The following MFSD8 variants were observed in gnomAD, a reference collection of about 807,000 sequenced individuals.
MFSD8 encodes the protein major facilitator superfamily domain-containing protein 8.
Under a neutral mutation model 66.4 loss-of-function variants are expected in MFSD8, and 55 were observed. The ratio of observed to expected loss-of-function variants is 0.83; its 90% CI spans 0.67 to 1.04. MFSD8 has a LOEUF of 1.04. Among genes scored for constraint, MFSD8 ranks in the 50% least tolerant of loss-of-function variants. The probability of loss-of-function intolerance (pLI) is 0.00; values close to 1 mark genes in which losing one functional copy is unlikely to be tolerated. For missense variants in MFSD8, 550 were observed against 627.6 expected (o/e 0.88, Z 1.32); for synonymous variants, 202 against 212.8 (o/e 0.95, Z 0.44).
At position 127,943,858 on chromosome 4, in the gene MFSD8, G is replaced by C; in HGVS notation, c.333C>G (p.Ile111Met). ...GGCAGTTGGCTGCCACGGAAATCAA[G>C]ATGGAGACAATAAGAGGCTCTTTTC... ...RPRKEPLIVSILISVAANCLY... is the reference protein window; with the variant it reads ...RPRKEPLIVSMLISVAANCLY... Residue 111 changes from isoleucine (I) to methionine (M), a missense_variant, in exon 4 of 12, where the codon ATC becomes ATG. Physicochemically the swap from Ile to Met is conservative, Grantham distance 10. Coordinates refer to ENST00000641686, the MANE Select transcript of MFSD8 (RefSeq NM_001371596.2). 5 of 1,614,164 alleles carry C rather than the reference G, an allele frequency of 3.1e-6. No individual in the cohort carries two copies. Among genetic ancestry groups the C allele is most frequent in the Non-Finnish European group, 4.2e-6 (5 of 1,180,028 alleles).
chr4:127,965,109 C>G lies in MFSD8; in HGVS notation c.25G>C (p.Glu9Gln), dbSNP rs772629400. Residue 9 changes from glutamate (E) to glutamine (Q), a missense_variant, in exon 1 of 12, where the codon GAA (glutamate) becomes CAA (glutamine). Transcript: ENST00000641686. MAGLRNES[E>Q]QEPLLGDTPG... ...GTGTCGCCTAAGAGCGGCTCCTGTT[C>G]ACTTTCGTTCCGCAGGCCGGCCATA... 1.2e-6 allele frequency: 2 copies of G among 1,613,936 alleles called. No homozygotes were observed. The highest frequency in any genetic ancestry group is 1.7e-6 in the Non-Finnish European group (2 of 1,180,028).
intron 11 of MFSD8, 68 bp from the exon 12 acceptor site, chr4:127,920,904 G>A: frequency 6.9e-7 from 1 of 1,453,904 alleles, no homozygotes; most frequent in Non-Finnish European, 9.4e-7. Flanking sequence ...GCAAAGAAAT[G>A]GTATTACCAA....
At chr4:127,926,768 C>A (rs1354795659) in intron 9 of MFSD8, among the ~76,000 whole-genome samples, 1 of 152,176 alleles carries the variant, frequency 6.6e-6, no homozygotes, top group Non-Finnish European at 1.5e-5. Context: ...AATTTTAGAA[C>A]CTTATTAAAG....
intron 1 of MFSD8, 40 bp from the exon 2 acceptor site, chr4:127,957,632 A>G (rs1216311136): frequency 7.4e-7 from 1 of 1,344,992 alleles, no homozygotes; most frequent in South Asian, 1.2e-5. Flanking sequence ...AATTTATCTC[A>G]TTACATGTGG....
intron 2 of MFSD8, among the ~76,000 whole-genome samples, chr4:127,951,122 A>G (rs1368643377): frequency 6.6e-6 from 1 of 152,198 alleles, no homozygotes; most frequent in Non-Finnish European, 1.5e-5. Flanking sequence ...TATAATTCCC[A>G]TATCATACAA....
intron 1 of MFSD8, among the ~76,000 whole-genome samples, chr4:127,961,232 G>A (rs1290742714): frequency 2.0e-5 from 3 of 149,778 alleles, no homozygotes; most frequent in African/African-American, 7.5e-5. Context: ...CTTTACTAGG[G>A]AATATACTTG....
Position 127,920,723 on chromosome 4 carries a change from C to T in MFSD8, c.1464G>A (p.Val488=), listed in dbSNP as rs887691537. The change falls in exon 12 of 12, where the codon GTG becomes GTA. Residue 488 remains valine (V), a synonymous_variant. Coordinates refer to ENST00000641686, the MANE Select transcript of MFSD8 (RefSeq NM_001371596.2). ...HWGPRWAFSL[V]CGIIVLTITL... The stretch of plus-strand genomic sequence containing the variant: ...TGATGGTGAGCACTATTATTCCACA[C>T]ACCAGGCTGAATGCCCATCGTGGTC... 1.9e-6 allele frequency: 3 copies of T among 1,614,074 alleles called. No homozygotes were observed. Among genetic ancestry groups the T allele is most frequent in the East Asian group, 2.2e-5 (1 of 44,874 alleles).
chr4:127,942,982 G>C (rs1740445912), intron 4 of MFSD8, among the ~76,000 whole-genome samples: 1 of 152,122 alleles, frequency 6.6e-6, no homozygotes, highest in Non-Finnish European at 1.5e-5. Context: ...ACTTTGGGAG[G>C]CCGAGGCGAG....
At chr4:127,950,877 G>A (rs1741821566) in intron 2 of MFSD8, among the ~76,000 whole-genome samples, 1 of 151,016 alleles carries the variant, frequency 6.6e-6, no homozygotes, top group Admixed American at 6.6e-5. Flanking sequence ...GGCCAGCATG[G>A]AGAAACCCCT....
At chr4:127,944,126 T>A in intron 3 of MFSD8, 134 bp from the exon 4 acceptor site, 1 of 1,193,608 alleles carries the variant, frequency 8.4e-7, no homozygotes, top group Non-Finnish European at 1.2e-6. Flanking sequence ...ATAACACTAT[T>A]ACTTATAGTA....
At chr4:127,927,564 G>C (rs1429580418) in intron 9 of MFSD8, among the ~76,000 whole-genome samples, 1 of 152,200 alleles carries the variant, frequency 6.6e-6, no homozygotes, top group African/African-American at 2.4e-5. Context: ...ATCTGTATTT[G>C]AGGAATACTT....
chr4:127,943,590 G>A, intron 4 of MFSD8, 162 bp downstream of exon 4: 1 of 804,344 alleles, frequency 1.2e-6, no homozygotes, highest in Non-Finnish European at 2.0e-6. Context: ...AACATCATGA[G>A]CAAAGGCAAA....
rs528664888 is a variant in MFSD8 at position 127,920,764 on chromosome 4, C to G, written c.1423G>C (p.Val475Leu). Residue 475 changes from valine to leucine, a missense_variant, in exon 12 of 12, where the codon GTG becomes CTG. Val to Leu is a conservative substitution (Grantham distance 32). Coordinates refer to ENST00000641686, the MANE Select transcript of MFSD8 (RefSeq NM_001371596.2). ...RILGPMFISQVYAHWGPRWAF... is the reference protein window; with the variant it reads ...RILGPMFISQLYAHWGPRWAF... Reference sequence around the variant, plus strand: ...CATCGTGGTCCCCAGTGAGCATACACTTGGCTGATGAACATAGGCCCAAGA... The same window carrying G: ...CATCGTGGTCCCCAGTGAGCATACAGTTGGCTGATGAACATAGGCCCAAGA... The G allele has an allele frequency of 1.9e-5, 30 of 1,614,114 alleles. No individual in the cohort carries two copies. The African/African-American group carries it at 2.5e-4, about 14-fold the overall frequency.
chr4:127,963,798 T>TGGGCAGCCTG (rs1459285555), intron 1 of MFSD8, among the ~76,000 whole-genome samples: 1 of 152,174 alleles, frequency 6.6e-6, no homozygotes, highest in Non-Finnish European at 1.5e-5. Context: ...CCACTACTGG[T>TGGGCAGCCTG]GGGCAGCCTG....
intron 7 of MFSD8, among the ~76,000 whole-genome samples, chr4:127,937,617 C>T (rs1341992572): frequency 6.6e-6 from 1 of 152,182 alleles, no homozygotes; most frequent in Admixed American, 6.5e-5. Context: ...AAATTTGTTA[C>T]TGGCATTGTA....
chr4:127,954,181 T>G lies in MFSD8; in HGVS notation c.154+3320A>C, dbSNP rs549271027. On this transcript the variant is annotated intron_variant, in intron 2 of 11. Transcript: ENST00000641686. The stretch of plus-strand genomic sequence containing the variant: ...TTAATATTTTGAAAAGTTTTCCTCA[T>G]GAAGTTTTACTTTTTAGTAACTACA... 7.5e-4 allele frequency among the ~76,000 whole-genome samples: 115 copies of G among 152,362 alleles called. 2 individuals are homozygous for G. The highest frequency in any genetic ancestry group is 3.4e-3 in the Middle Eastern group (1 of 294).
At position 127,917,964 on chromosome 4, in the gene MFSD8, C is replaced by G. The variant is rs947069040; in HGVS notation, c.*2666G>C. On this transcript the variant is annotated 3_prime_UTR_variant, in exon 12 of 12. Coordinates refer to ENST00000641686, the MANE Select transcript of MFSD8 (RefSeq NM_001371596.2). ...AAACAGATGCAGGTAAGTAGTTTAT[C>G]CTTGTCAAAACAAAAAATTAACAGA... The G allele has an allele frequency of 6.6e-6, 1 of 152,028 alleles. No individual in the cohort carries two copies. Among genetic ancestry groups the G allele is most frequent in the African/African-American group, 2.4e-5 (1 of 41,412 alleles). 9.4% of individuals were successfully genotyped at this position (152,028 alleles called of 1,614,324 possible).
chr4:127,960,997 T>C (rs1233133740), intron 1 of MFSD8, among the ~76,000 whole-genome samples: 1 of 152,236 alleles, frequency 6.6e-6, no homozygotes, highest in Non-Finnish European at 1.5e-5. Flanking sequence ...CTAAAATATT[T>C]ACAATCTGGG....
rs201123309 is a variant in MFSD8 at position 127,961,535 on chromosome 4, C to T, written c.62+3537G>A. Among the ~76,000 whole-genome samples, 9 of 152,202 alleles carry T rather than the reference C, an allele frequency of 5.9e-5. No homozygotes were observed. In the East Asian group the frequency reaches 1.7e-3, roughly 29 times the overall value. On this transcript the variant is annotated intron_variant, in intron 1 of 11. Transcript: ENST00000641686. Reference sequence around the variant, plus strand: ...GGACGAAGCAAAAAGAATTCTGAGGCCGGGCACGGTGGCTCACACCTGTAA... The same window carrying T: ...GGACGAAGCAAAAAGAATTCTGAGGTCGGGCACGGTGGCTCACACCTGTAA...
Sources: gnomAD v4.1 joint callset for allele counts (sites outside exome capture counted in the v4.1 genomes callset) on GRCh38, gnomAD v4.1.1 for gene constraint, MANE v1.5 for transcripts, NCBI Gene and HGNC (gene_info 2026-07-23, HGNC 2026-07-21) for gene names.